DENND5A: variants seen among roughly 807,000 people sequenced by gnomAD.
DENND5A encodes the protein DENN domain containing 5A, also known as DENN domain-containing protein 5A.
DENND5A carries 64 observed loss-of-function variants against 140.3 expected under a neutral mutation model. That is an observed-to-expected ratio of 0.46 (90% CI 0.37 to 0.56). DENND5A has a LOEUF of 0.56. Ranked by LOEUF, DENND5A falls within the 20% of genes least tolerant of loss-of-function variation. The probability of loss-of-function intolerance (pLI) is 0.00; values close to 1 mark genes in which losing one functional copy is unlikely to be tolerated. For synonymous variants in DENND5A, 605 were observed against 607.7 expected (o/e 1.00, Z 0.07); for missense variants, 1,292 against 1,593.8 (o/e 0.81, Z 3.22).
chr11:9,186,071 T>C (rs1848903631), intron 5 of DENND5A, among the ~76,000 whole-genome samples: 1 of 152,256 alleles, frequency 6.6e-6, no homozygotes, highest in South Asian at 2.1e-4. Flanking sequence ...AACAAGTCCA[T>C]GTGTGTATCA....
intron 12 of DENND5A, among the ~76,000 whole-genome samples, chr11:9,159,110 C>T (rs1242350544): frequency 6.6e-6 from 1 of 152,084 alleles, no homozygotes; most frequent in East Asian, 1.9e-4. Context: ...CAATCTGTGG[C>T]CTTTTGTGTC....
chr11:9,144,074 G>A (rs199615836), intron 19 of DENND5A, 23 bp downstream of exon 19: 3 of 1,607,794 alleles, frequency 1.9e-6, no homozygotes, highest in Non-Finnish European at 2.5e-6. Flanking sequence ...TGGCATGAGG[G>A]CCCAACCCCT....
chr11:9,180,202 C>G (rs1466433693), intron 6 of DENND5A, among the ~76,000 whole-genome samples: 1 of 152,012 alleles, frequency 6.6e-6, no homozygotes, highest in East Asian at 1.9e-4. Context: ...ACTTATAATC[C>G]CACCACTTTG....
At chr11:9,235,274 A>C (rs1280845453) in intron 1 of DENND5A, among the ~76,000 whole-genome samples, 2 of 152,190 alleles carry the variant, frequency 1.3e-5, no homozygotes, top group Admixed American at 6.6e-5. Context: ...CGTATTATTC[A>C]TACCATATAA....
At position 9,246,006 on chromosome 11, in the gene DENND5A, T is replaced by C. The variant is rs114089709; in HGVS notation, c.109+18955A>G. ...ATAAAGTACGTTTTTCTACCAAAGTTAAGAAATTTGCCTACCTGACTCTGA... is the reference window on the plus strand; with the variant it reads ...ATAAAGTACGTTTTTCTACCAAAGTCAAGAAATTTGCCTACCTGACTCTGA... On this transcript the variant is annotated intron_variant, in intron 1 of 22. Transcript: ENST00000328194. Among the ~76,000 whole-genome samples the C allele has an allele frequency of 2.0e-5, 3 of 152,226 alleles. No individual in the cohort carries two copies. In the South Asian group the frequency reaches 6.2e-4, roughly 32 times the overall value.
chr11:9,179,296 C>T (rs1848648027), intron 6 of DENND5A, among the ~76,000 whole-genome samples: 1 of 151,946 alleles, frequency 6.6e-6, no homozygotes, highest in South Asian at 2.1e-4. Flanking sequence ...TAAAGATATC[C>T]AACAACTCAA....
At chr11:9,220,995 C>T (rs1850290274) in intron 1 of DENND5A, among the ~76,000 whole-genome samples, 1 of 148,692 alleles carries the variant, frequency 6.7e-6, no homozygotes, top group Non-Finnish European at 1.5e-5. Flanking sequence ...GGTGGGAGGA[C>T]TGCTTGAGCC....
At chr11:9,154,054 T>A (rs529983384) in intron 12 of DENND5A, among the ~76,000 whole-genome samples, 2 of 152,230 alleles carry the variant, frequency 1.3e-5, no homozygotes, top group Non-Finnish European at 2.9e-5. Context: ...AAAGGTGGTA[T>A]GTTTGTTTTA....
At chr11:9,192,835 C>T (rs1264176154) in intron 5 of DENND5A, among the ~76,000 whole-genome samples, 1 of 152,134 alleles carries the variant, frequency 6.6e-6, no homozygotes, top group Non-Finnish European at 1.5e-5. Flanking sequence ...ACCAGTTCTG[C>T]TGGTAATTCT....
intron 1 of DENND5A, among the ~76,000 whole-genome samples, chr11:9,224,856 CAAAAAAA>C (rs1003433174): frequency 2.2e-3 from 207 of 93,994 alleles, no homozygotes; most frequent in African/African-American, 6.6e-3. Context: ...AGACTCCATC[CAAAAAAA>C]AAAAAAAAAA....
intron 1 of DENND5A, among the ~76,000 whole-genome samples, chr11:9,232,271 G>C (rs1237188981): frequency 1.3e-5 from 2 of 151,952 alleles, no homozygotes. Flanking sequence ...TTCCTTGAAA[G>C]TCGCCATTAA....
chr11:9,189,634 T>G (rs950943133), intron 5 of DENND5A, among the ~76,000 whole-genome samples: 4 of 150,514 alleles, frequency 2.7e-5, no homozygotes, highest in African/African-American at 9.7e-5. Context: ...TTTTTTTGGT[T>G]TTTTTGTTTG....
chr11:9,173,027 T>C (rs778300294), intron 8 of DENND5A, among the ~76,000 whole-genome samples: 2 of 151,738 alleles, frequency 1.3e-5, no homozygotes, highest in Non-Finnish European at 2.9e-5. Context: ...GGTTTCACCA[T>C]GTTGGCCAGG....
intron 1 of DENND5A, among the ~76,000 whole-genome samples, chr11:9,219,292 A>T (rs1850219373): frequency 6.6e-6 from 1 of 152,184 alleles, no homozygotes; most frequent in Admixed American, 6.5e-5. Context: ...AGGGACAATG[A>T]GAAAATTCTA....
intron 12 of DENND5A, among the ~76,000 whole-genome samples, chr11:9,154,294 T>C (rs375215880): frequency 2.6e-4 from 39 of 152,302 alleles, no homozygotes; most frequent in East Asian, 7.7e-4. Context: ...GTCACACCGT[T>C]AGTAAGCAGA....
At chr11:9,144,819 A>G (rs1346505383) in intron 18 of DENND5A, among the ~76,000 whole-genome samples, 176 bp downstream of exon 18, 3 of 151,692 alleles carry the variant, frequency 2.0e-5, no homozygotes, top group Non-Finnish European at 2.9e-5. Context: ...AAAAGAAACA[A>G]CAGAAGAAAC....
Position 9,178,174 on chromosome 11 carries a change from G to C in DENND5A, c.1864C>G (p.Arg622Gly). Residue 622 changes from arginine (R) to glycine (G), a missense_variant, in exon 8 of 23, where the codon CGT becomes GGT. Physicochemically the swap from Arg to Gly is moderately radical, Grantham distance 125 (BLOSUM62 -2). Around this residue, in one of 4 missense-constraint regions of DENND5A, gnomAD observed 199 missense variants for 189.1 expected, o/e 1.05. Transcript: ENST00000328194. ...RLLNVRTPTL[R>G]TSMYQKCTTV... is the part of the protein sequence containing the mutation. ...GTACACTTCTGGTACATGGATGTAC[G>C]GAGAGTAGGTGTCCGAACATTCAAC... 1 of 1,614,128 alleles carries C rather than the reference G, an allele frequency of 6.2e-7. No individual in the cohort carries two copies. The highest frequency in any genetic ancestry group is 8.5e-7 in the Non-Finnish European group (1 of 1,179,982).
intron 1 of DENND5A, among the ~76,000 whole-genome samples, chr11:9,223,196 C>T (rs982839416): frequency 4.0e-5 from 6 of 150,888 alleles, no homozygotes; most frequent in Admixed American, 3.3e-4. Flanking sequence ...CAAGACCAGC[C>T]GAAGCAACAT....
At chr11:9,170,427 C>T (rs1848331827) in intron 9 of DENND5A, 200 bp downstream of exon 9, 2 of 524,676 alleles carry the variant, frequency 3.8e-6, no homozygotes, top group Admixed American at 6.4e-5. Flanking sequence ...TCCCAATCTG[C>T]ATAGTGGAGG....
Sources: gnomAD v4.1 joint callset for allele counts (sites outside exome capture counted in the v4.1 genomes callset) on GRCh38, gnomAD v4.1.1 for gene constraint, gnomAD v4.1.1 regional missense constraint, MANE v1.5 for transcripts, NCBI Gene and HGNC (gene_info 2026-07-23, HGNC 2026-07-21) for gene names.